Variants in FHIT observed in about 807,000 individuals in gnomAD.
FHIT encodes the protein bis(5'-adenosyl)-triphosphatase.
FHIT carries 19 observed loss-of-function variants against 17.9 expected under a neutral mutation model. The observed-to-expected ratio is 1.06, with a 90% CI of 0.74 to 1.56. The LOEUF (loss-of-function observed/expected upper bound fraction) is 1.56. Ranked by LOEUF, FHIT falls within the 40% of genes most tolerant of loss-of-function variation. The pLI is 0.00. For synonymous variants in FHIT, 81 were observed against 69.7 expected (o/e 1.16, Z -0.81); for missense variants, 248 against 189.2 (o/e 1.31, Z -1.82).
intron 4 of FHIT, among the ~76,000 whole-genome samples, chr3:60,697,268 C>G (rs2041135292): frequency 6.6e-6 from 1 of 152,078 alleles, no homozygotes; most frequent in South Asian, 2.1e-4. Flanking sequence ...GTGACTACCT[C>G]TAATATGATC....
chr3:61,095,013 T>C (rs2035595538), intron 2 of FHIT, among the ~76,000 whole-genome samples: 1 of 152,214 alleles, frequency 6.6e-6, no homozygotes, highest in Admixed American at 6.5e-5. Context: ...GGGAGACCAC[T>C]GTATGTGAGG....
In FHIT at chr3:60,537,445, G is replaced by A. The variant is rs762065939; in HGVS notation, c.-17-466C>T. On this transcript the variant is annotated intron_variant, in intron 4 of 9. Transcript: ENST00000492590. Reference sequence around the variant, plus strand: ...TATAATAGCAATTTAGAACAAGTACGAACACTGTCTGACCTTGCCTACAAT... The same window carrying A: ...TATAATAGCAATTTAGAACAAGTACAAACACTGTCTGACCTTGCCTACAAT... 2.2e-5 allele frequency: 22 copies of A among 980,434 alleles called. No individual in the cohort carries two copies. In the East Asian group the frequency reaches 2.0e-3, roughly 91 times the overall value. 60.7% of individuals were successfully genotyped at this position (980,434 alleles called of 1,614,324 possible).
At chr3:61,148,254 C>G in intron 2 of FHIT, among the ~76,000 whole-genome samples, 1 of 151,950 alleles carries the variant, frequency 6.6e-6, no homozygotes, top group Non-Finnish European at 1.5e-5. Context: ...GTAAAATACA[C>G]AAATCTTAAG....
At chr3:60,607,463 G>A (rs968305589) in intron 4 of FHIT, among the ~76,000 whole-genome samples, 1 of 151,540 alleles carries the variant, frequency 6.6e-6, no homozygotes, top group African/African-American at 2.4e-5. Context: ...CTAATTAAAA[G>A]TATATTATCT....
At chr3:60,370,606 C>T (rs536144786) in intron 5 of FHIT, among the ~76,000 whole-genome samples, 108 of 152,254 alleles carry the variant, frequency 7.1e-4, no homozygotes, top group African/African-American at 2.5e-3. Flanking sequence ...ACCTAGTCAC[C>T]GAGAGGTGGA....
intron 8 of FHIT, among the ~76,000 whole-genome samples, chr3:59,868,550 C>G (rs1030368890): frequency 6.6e-6 from 1 of 152,154 alleles, no homozygotes; most frequent in African/African-American, 2.4e-5. Context: ...CCTTGAGTAC[C>G]ACGTGGTTTA....
chr3:61,080,769 G>C (rs986859793), intron 2 of FHIT, among the ~76,000 whole-genome samples: 1 of 151,986 alleles, frequency 6.6e-6, no homozygotes, highest in African/African-American at 2.4e-5. Context: ...TGACAGCTTT[G>C]AAAGAGATGG....
At chr3:61,025,536 A>G (rs1000324036) in intron 3 of FHIT, among the ~76,000 whole-genome samples, 1 of 152,022 alleles carries the variant, frequency 6.6e-6, no homozygotes, top group South Asian at 2.1e-4. Context: ...TCAACAAGGC[A>G]CTAACAGAAT....
At chr3:60,987,994 T>C (rs1034622086) in intron 3 of FHIT, among the ~76,000 whole-genome samples, 6 of 152,204 alleles carry the variant, frequency 3.9e-5, no homozygotes, top group African/African-American at 1.4e-4. Context: ...TGACGCTTAT[T>C]CCCAGGATTA....
At chr3:59,889,807 CAA>C (rs1703777145) in intron 8 of FHIT, among the ~76,000 whole-genome samples, 4 of 152,272 alleles carry the variant, frequency 2.6e-5, no homozygotes, top group Admixed American at 1.3e-4. Flanking sequence ...AAATCTGCAG[CAA>C]CAGTACAGTA....
At chr3:59,749,888 C>CTAAG (rs777492862) in intron 9 of FHIT, 2 of 225,740 alleles carry the variant, frequency 8.9e-6, no homozygotes, top group African/African-American at 4.5e-5. Context: ...TCTTAGGACC[C>CTAAG]TAAGTTGTTT....
intron 3 of FHIT, among the ~76,000 whole-genome samples, chr3:60,973,441 C>T (rs1710108554): frequency 6.6e-6 from 1 of 152,026 alleles, no homozygotes; most frequent in African/African-American, 2.4e-5. Flanking sequence ...TGGGAGTGTA[C>T]AAAAAGGCCT....
intron 4 of FHIT, among the ~76,000 whole-genome samples, chr3:60,741,132 AC>A (rs1258387927): frequency 2.6e-5 from 4 of 152,330 alleles, no homozygotes; most frequent in Admixed American, 1.3e-4. Flanking sequence ...CAGAGAATGA[AC>A]AAACCTCCTC....
intron 5 of FHIT, among the ~76,000 whole-genome samples, chr3:60,210,066 T>A (rs1703378164): frequency 6.6e-6 from 1 of 151,982 alleles, no homozygotes; most frequent in Non-Finnish European, 1.5e-5. Flanking sequence ...AATAAAAAAT[T>A]AAGTATCAAT....
chr3:60,551,600 A>G (rs1311709413), intron 4 of FHIT, among the ~76,000 whole-genome samples: 1 of 92,528 alleles, frequency 1.1e-5, no homozygotes, highest in African/African-American at 4.4e-5. Flanking sequence ...AGAGGAGAGG[A>G]GAGGAAGAAA....
intron 4 of FHIT, among the ~76,000 whole-genome samples, chr3:60,676,252 A>G (rs2040618433): frequency 6.6e-6 from 1 of 152,168 alleles, no homozygotes; most frequent in Non-Finnish European, 1.5e-5. Flanking sequence ...ATCTCTCTGC[A>G]TATTACATCA....
intron 3 of FHIT, among the ~76,000 whole-genome samples, chr3:61,027,684 T>C (rs1337588677): frequency 1.3e-5 from 2 of 152,200 alleles, no homozygotes; most frequent in African/African-American, 4.8e-5. Context: ...TCCAGTATTA[T>C]AAACTATCAT....
chr3:61,074,233 T>A (rs1289816443), intron 2 of FHIT, among the ~76,000 whole-genome samples: 1 of 152,204 alleles, frequency 6.6e-6, no homozygotes, highest in Non-Finnish European at 1.5e-5. Context: ...TGCTATAAAC[T>A]CACTCGGAAG....
intron 3 of FHIT, among the ~76,000 whole-genome samples, chr3:61,001,975 G>A (rs2031116419): frequency 6.6e-6 from 1 of 152,130 alleles, no homozygotes; most frequent in Non-Finnish European, 1.5e-5. Context: ...GTTTGTTTCT[G>A]TGTATCTACT....
Sources: gnomAD v4.1 joint callset for allele counts (sites outside exome capture counted in the v4.1 genomes callset) on GRCh38, gnomAD v4.1.1 for gene constraint, MANE v1.5 for transcripts, NCBI Gene and HGNC (gene_info 2026-07-23, HGNC 2026-07-21) for gene names.